PTPN12: variants seen among roughly 807,000 people sequenced by gnomAD.
PTPN12 encodes tyrosine-protein phosphatase non-receptor type 12.
In PTPN12, 29 loss-of-function variants were observed where a neutral mutation model predicts 97.6. That is an observed-to-expected ratio of 0.30 (90% CI 0.22 to 0.41). The LOEUF (loss-of-function observed/expected upper bound fraction) is 0.41, where lower values mean the gene tolerates loss of function less well. Ranked by LOEUF, PTPN12 falls within the 10% of genes least tolerant of loss-of-function variation. PTPN12 has a pLI of 1.00. For synonymous variants in PTPN12, 327 were observed against 300.4 expected (o/e 1.09, Z -0.91); for missense variants, 819 against 926.0 (o/e 0.88, Z 1.50).
intron 5 of PTPN12, among the ~76,000 whole-genome samples, chr7:77,588,410 G>A (rs1007138488): frequency 6.6e-6 from 1 of 152,164 alleles, no homozygotes; most frequent in African/African-American, 2.4e-5. Context: ...CACAACATCT[G>A]TTGATTAAGT....
chr7:77,598,579 A>G (rs1366115550), intron 7 of PTPN12, among the ~76,000 whole-genome samples: 1 of 151,944 alleles, frequency 6.6e-6, no homozygotes, highest in Non-Finnish European at 1.5e-5. Flanking sequence ...GCTACTCAGG[A>G]GGCTGAGGCA....
chr7:77,610,994 A>G lies in PTPN12; in HGVS notation c.887A>G (p.Lys296Arg). The G allele has an allele frequency of 6.2e-7, 1 of 1,613,490 alleles. No homozygotes were observed. The highest frequency in any genetic ancestry group is 8.5e-7 in the Non-Finnish European group (1 of 1,179,732). ...AGAGCTATTGCCCAACTGTTTGAAA[A>G]ACAGCTACAACTATATGAAATTCAT... The part of the protein sequence containing the change: ...VHRAIAQLFE[K>R]QLQLYEIHGA... Residue 296 changes from lysine to arginine, a missense_variant, in exon 11 of 18, where the codon AAA (lysine) becomes AGA (arginine). By Grantham distance (26) the Lys-to-Arg change is conservative. Coordinates refer to ENST00000248594, the MANE Select transcript of PTPN12 (RefSeq NM_002835.4).
At chr7:77,602,646 CATT>C (rs1788227828) in intron 8 of PTPN12, among the ~76,000 whole-genome samples, 2 of 151,550 alleles carry the variant, frequency 1.3e-5, no homozygotes, top group African/African-American at 4.8e-5. Flanking sequence ...ATATAGGTAT[CATT>C]ATAATATGGG....
At chr7:77,593,364 G>A (rs1454930129) in intron 6 of PTPN12, among the ~76,000 whole-genome samples, 2 of 152,136 alleles carry the variant, frequency 1.3e-5, no homozygotes, top group Non-Finnish European at 2.9e-5. Context: ...GCGTCTGTGT[G>A]CATGTGTATA....
intron 16 of PTPN12, 67 bp downstream of exon 16, chr7:77,637,115 A>G (rs966395715): frequency 1.6e-6 from 2 of 1,279,076 alleles, no homozygotes; most frequent in African/African-American, 3.0e-5. Flanking sequence ...ACAAAATAAC[A>G]TGCTTCATAG....
Position 77,554,707 on chromosome 7 carries a change from GCTCTGTCTGT to G in PTPN12, c.100-16369_100-16360del, listed in dbSNP as rs1357181913. Among the ~76,000 whole-genome samples, 3 of 152,154 alleles carry G rather than the reference GCTCTGTCTGT, an allele frequency of 2.0e-5. No individual in the cohort carries two copies. The East Asian group carries it at 5.8e-4, about 29-fold the overall frequency. Reference sequence around the variant, plus strand: ...AATCTTTTCTGGGGGACAGGGTCTTGCTCTGTCTGTCATCCAGGCTATAATGCGGTGGCAT... The same window carrying G: ...AATCTTTTCTGGGGGACAGGGTCTTGCATCCAGGCTATAATGCGGTGGCAT... On this transcript the variant is annotated intron_variant, in intron 1 of 17. Transcript: ENST00000248594.
intron 1 of PTPN12, among the ~76,000 whole-genome samples, chr7:77,548,259 G>A (rs891289449): frequency 1.3e-5 from 2 of 152,112 alleles, no homozygotes; most frequent in Admixed American, 6.5e-5. Flanking sequence ...TATTTATAAT[G>A]GTGGGTCTCT....
intron 13 of PTPN12, among the ~76,000 whole-genome samples, chr7:77,631,576 T>C (rs1789397989): frequency 6.6e-6 from 1 of 152,162 alleles, no homozygotes; most frequent in Admixed American, 6.6e-5. Context: ...AACTCAAAGA[T>C]CAAATACACT....
chr7:77,561,878 G>A (rs1019856267), intron 1 of PTPN12, among the ~76,000 whole-genome samples: 5 of 151,580 alleles, frequency 3.3e-5, no homozygotes, highest in Non-Finnish European at 7.4e-5. Context: ...TGCAAGCTCC[G>A]CCTCCTGGGT....
intron 11 of PTPN12, among the ~76,000 whole-genome samples, chr7:77,611,495 A>T (rs62473667): frequency 0.26 from 40,109 of 152,018 alleles, 5,388 homozygotes; most frequent in Non-Finnish European, 0.28. Flanking sequence ...CCCAGGCTGG[A>T]GTGCAATGGC....
At chr7:77,555,701 T>C (rs1196022082) in intron 1 of PTPN12, among the ~76,000 whole-genome samples, 6 of 152,046 alleles carry the variant, frequency 3.9e-5, no homozygotes, top group African/African-American at 1.4e-4. Flanking sequence ...GATCGTGAGG[T>C]CATGAGATCG....
chr7:77,576,862 C>T (rs189609990), intron 2 of PTPN12, among the ~76,000 whole-genome samples: 1 of 152,348 alleles, frequency 6.6e-6, no homozygotes, highest in Admixed American at 6.5e-5. Flanking sequence ...ACTTAACAAA[C>T]TGCAGAAGAT....
intron 1 of PTPN12, among the ~76,000 whole-genome samples, chr7:77,544,308 A>T (rs1001508154): frequency 2.6e-5 from 4 of 152,292 alleles, no homozygotes; most frequent in African/African-American, 9.6e-5. Context: ...CAGTCCTTGC[A>T]TTTGAGCTAA....
rs565089282 is a variant in PTPN12 at position 77,627,180 on chromosome 7, A to G, written c.1501A>G (p.Thr501Ala). The G allele has an allele frequency of 1.1e-4, 178 of 1,614,156 alleles. 3 individuals carry two copies. The South Asian group carries it at 1.5e-3, about 13-fold the overall frequency. Residue 501 changes from threonine to alanine, a missense_variant, in exon 13 of 18, where the codon ACA becomes GCA. Physicochemically the swap from Thr to Ala is moderately conservative, Grantham distance 58 (BLOSUM62 0). Around this residue, in one of 5 missense-constraint regions of PTPN12, gnomAD observed 607 missense variants for 577.3 expected, o/e 1.05. Transcript: ENST00000248594. ...GAATTCTTGTGTGGACTGCAGTGTA[A>G]CACAATCAAACAAAGTTTCAGTTAC... ...SQNSCVDCSV[T>A]QSNKVSVTPP...
At chr7:77,607,537 A>G (rs1788415886) in intron 9 of PTPN12, among the ~76,000 whole-genome samples, 1 of 152,222 alleles carries the variant, frequency 6.6e-6, no homozygotes, top group Non-Finnish European at 1.5e-5. Flanking sequence ...GCTCGAGACC[A>G]GCCTGGGGAA....
chr7:77,603,992 G>A (rs374489644), intron 8 of PTPN12, among the ~76,000 whole-genome samples: 11 of 146,866 alleles, frequency 7.5e-5, no homozygotes, highest in African/African-American at 2.5e-4. Flanking sequence ...GGGTTCATGC[G>A]ATTCTCCTGC....
chr7:77,563,111 G>C (rs1808075445), intron 1 of PTPN12, among the ~76,000 whole-genome samples: 1 of 152,124 alleles, frequency 6.6e-6, no homozygotes, highest in African/African-American at 2.4e-5. Flanking sequence ...CATGCATTCA[G>C]GGAAGATTAT....
chr7:77,563,337 A>G (rs1176231119), intron 1 of PTPN12, among the ~76,000 whole-genome samples: 2 of 152,234 alleles, frequency 1.3e-5, no homozygotes, highest in Admixed American at 6.5e-5. Flanking sequence ...AGTAGCTATT[A>G]CTAATAGAAG....
chr7:77,578,567 A>G (rs1787410083), intron 2 of PTPN12, among the ~76,000 whole-genome samples: 1 of 152,240 alleles, frequency 6.6e-6, no homozygotes. Flanking sequence ...TTAAATTAGC[A>G]GAACTGGGCC....
Sources: allele counts gnomAD v4.1 joint callset (sites outside exome capture counted in the v4.1 genomes callset), GRCh38; gene constraint gnomAD v4.1.1; regional missense constraint gnomAD v4.1.1; transcripts MANE v1.5; gene names NCBI Gene and HGNC (gene_info 2026-07-23, HGNC 2026-07-21).